Variants in CADPS observed in about 807,000 individuals in gnomAD.
CADPS encodes calcium dependent secretion activator.
Under a neutral mutation model 167.3 loss-of-function variants are expected in CADPS, and 57 were observed. That is an observed-to-expected ratio of 0.34 (90% confidence interval 0.28 to 0.42). CADPS has a LOEUF of 0.42. CADPS is among the 20% of genes least tolerant of loss of function. The pLI is 1.00. For missense variants in CADPS, 1,414 were observed against 1,738.1 expected (o/e 0.81, Z 3.32); for synonymous variants, 676 against 635.3 (o/e 1.06, Z -0.96).
At chr3:62,638,077 T>TTTTATATA (rs1327401611) in intron 6 of CADPS, among the ~76,000 whole-genome samples, 1 of 36,766 alleles carries the variant, frequency 2.7e-5, no homozygotes, top group Admixed American at 4.6e-4. Flanking sequence ...GTTTTAAGCA[T>TTTTATATA]TATATATATA....
At chr3:62,457,586 A>G (rs561499248) in intron 26 of CADPS, among the ~76,000 whole-genome samples, 1 of 152,362 alleles carries the variant, frequency 6.6e-6, no homozygotes, top group South Asian at 2.1e-4. Context: ...ATAAGTCACA[A>G]GAGTTTTGAT....
chr3:62,460,442 T>C (rs2059201453), intron 26 of CADPS, among the ~76,000 whole-genome samples: 1 of 152,162 alleles, frequency 6.6e-6, no homozygotes, highest in Admixed American at 6.5e-5. Flanking sequence ...CAACCCACAC[T>C]GTAAAAAGCC....
Position 62,469,674 on chromosome 3 carries a change from A to AT in CADPS, c.3478-3262dup, listed in dbSNP as rs572512992. 575 of 177,242 alleles carry AT rather than the reference A, an allele frequency of 3.2e-3. 2 individuals carry two copies. Among genetic ancestry groups the AT allele is most frequent in the Middle Eastern group, 5.2e-3 (2 of 384 alleles). 11.0% of individuals were successfully genotyped at this position (177,242 alleles called of 1,614,324 possible). On this transcript the variant is annotated intron_variant, in intron 24 of 29. Transcript: ENST00000383710. ...AGGTGTGCGCCACCACGCCCAGCTC[A>AT]TTTTTTTGTATTTTTAGTAGAAACA...
At chr3:62,751,622 T>C (rs887989701) in intron 3 of CADPS, among the ~76,000 whole-genome samples, 1 of 152,096 alleles carries the variant, frequency 6.6e-6, no homozygotes, top group Non-Finnish European at 1.5e-5. Context: ...AGTTTCACCA[T>C]GTTGGCCAGG....
intron 6 of CADPS, among the ~76,000 whole-genome samples, chr3:62,596,951 A>G (rs559085943): frequency 5.9e-5 from 9 of 152,358 alleles, no homozygotes; most frequent in African/African-American, 2.2e-4. Flanking sequence ...CTCATTTTAA[A>G]GCTGTTGCTG....
intron 28 of CADPS, among the ~76,000 whole-genome samples, chr3:62,434,953 C>G (rs1203761720): frequency 1.3e-5 from 2 of 152,040 alleles, no homozygotes; most frequent in Non-Finnish European, 2.9e-5. Context: ...TTAGAACATG[C>G]CTCTGAATGA....
chr3:62,492,165 GTTAATCATAA>G, intron 20 of CADPS, 115 bp downstream of exon 20: 1 of 801,652 alleles, frequency 1.2e-6, no homozygotes, highest in South Asian at 1.8e-5. Context: ...GGGGGGTGGG[GTTAATCATAA>G]TAAAACCATG....
intron 3 of CADPS, among the ~76,000 whole-genome samples, chr3:62,695,854 C>A (rs2080171160): frequency 6.6e-6 from 1 of 151,996 alleles, no homozygotes; most frequent in Non-Finnish European, 1.5e-5. Context: ...CAGCCTGGCC[C>A]CCAAACCTGT....
intron 1 of CADPS, among the ~76,000 whole-genome samples, chr3:62,860,261 G>A (rs1559971911): frequency 6.6e-6 from 1 of 152,180 alleles, no homozygotes; most frequent in African/African-American, 2.4e-5. Flanking sequence ...ACAGTGTAGT[G>A]TTCTGAAGCC....
chr3:62,695,514 T>C (rs2080098636), intron 3 of CADPS, among the ~76,000 whole-genome samples: 1 of 152,100 alleles, frequency 6.6e-6, no homozygotes, highest in African/African-American at 2.4e-5. Context: ...AAGAAACATT[T>C]ACCTGACTAT....
Position 62,585,333 on chromosome 3 carries a change from G to T in CADPS, c.1438-9C>A. 1 of 1,591,776 alleles carries T rather than the reference G, an allele frequency of 6.3e-7. No individual in the cohort carries two copies. Among genetic ancestry groups the T allele is most frequent in the Non-Finnish European group, 8.5e-7 (1 of 1,172,214 alleles). Reference sequence around the variant, plus strand: ...GTGGGATGGAGAATAACCTGTAGGGGAAAAAGGACAAGCAACTAGAAAAGA... The same window carrying T: ...GTGGGATGGAGAATAACCTGTAGGGTAAAAAGGACAAGCAACTAGAAAAGA... On this transcript the variant is annotated splice_polypyrimidine_tract_variant and intron_variant, in intron 7 of 29. Coordinates refer to ENST00000383710, the MANE Select transcript of CADPS (RefSeq NM_003716.4).
intron 1 of CADPS, among the ~76,000 whole-genome samples, chr3:62,866,807 T>C (rs2153212322): frequency 6.6e-6 from 1 of 152,180 alleles, no homozygotes; most frequent in East Asian, 1.9e-4. Context: ...GCAACTAACA[T>C]GTTTTTTCTC....
At chr3:62,710,261 C>T (rs898232204) in intron 3 of CADPS, among the ~76,000 whole-genome samples, 3 of 151,446 alleles carry the variant, frequency 2.0e-5, no homozygotes, top group Non-Finnish European at 4.4e-5. Context: ...CCTGGATGCA[C>T]GCTGGCCTCA....
chr3:62,836,330 C>G (rs949430308), intron 1 of CADPS, among the ~76,000 whole-genome samples: 7 of 152,300 alleles, frequency 4.6e-5, no homozygotes, highest in African/African-American at 1.7e-4. Flanking sequence ...TCCTTCTATT[C>G]TAAGCCAGAA....
At chr3:62,655,073 G>T (rs992119582) in intron 4 of CADPS, among the ~76,000 whole-genome samples, 1 of 152,092 alleles carries the variant, frequency 6.6e-6, no homozygotes, top group Non-Finnish European at 1.5e-5. Context: ...AAAATCCAAA[G>T]AATGATCACT....
rs79209361 is a variant in CADPS, at chr3:62,568,922, A to C, written c.1644+1950T>G. ...GCTTGAGTCTACTTCTGCTGTTTGC[A>C]TATGTAGAACTCTAACAGATTCCTT... On this transcript the variant is annotated intron_variant, in intron 9 of 29. Transcript: ENST00000383710. Among the ~76,000 whole-genome samples, 1,167 of 152,264 alleles carry C rather than the reference A, an allele frequency of 7.7e-3. 11 individuals are homozygous for C. Among genetic ancestry groups the C allele is most frequent in the African/African-American group, 0.026 (1,062 of 41,540 alleles).
chr3:62,568,498 C>G (rs779625595), intron 9 of CADPS, among the ~76,000 whole-genome samples: 2 of 152,218 alleles, frequency 1.3e-5, no homozygotes, highest in African/African-American at 2.4e-5. Flanking sequence ...GCATCAGACT[C>G]CAGGTTCTTT....
chr3:62,684,708 C>G (rs948278676), intron 3 of CADPS, among the ~76,000 whole-genome samples: 1 of 152,014 alleles, frequency 6.6e-6, no homozygotes, highest in Admixed American at 6.6e-5. Context: ...TTGGGGAAAG[C>G]TCAACCCATC....
intron 4 of CADPS, among the ~76,000 whole-genome samples, chr3:62,653,657 A>G (rs1301938346): frequency 6.6e-6 from 1 of 152,184 alleles, no homozygotes; most frequent in Non-Finnish European, 1.5e-5. Context: ...TAAGTATTCA[A>G]TACATATGAA....
Sources: allele counts gnomAD v4.1 joint callset (sites outside exome capture counted in the v4.1 genomes callset), GRCh38; gene constraint gnomAD v4.1.1; transcripts MANE v1.5; gene names NCBI Gene and HGNC (gene_info 2026-07-23, HGNC 2026-07-21).